Variants in CHODL observed in about 807,000 individuals in gnomAD.
CHODL encodes the protein transmembrane protein MT75.
A neutral mutation model predicts 34.5 loss-of-function variants in CHODL; 29 were observed. That is an observed-to-expected ratio of 0.84 (90% CI 0.63 to 1.15). CHODL has a LOEUF of 1.15. Among genes scored for constraint, CHODL ranks in the 50% most tolerant of loss-of-function variants. The probability of loss-of-function intolerance (pLI) is 0.00; values close to 1 mark genes in which losing one functional copy is unlikely to be tolerated. For missense variants in CHODL, 332 were observed against 332.5 expected, an observed-to-expected ratio of 1.00 and a Z score of 0.01; for synonymous variants, 125 against 116.1, an observed-to-expected ratio of 1.08 and a Z score of -0.49.
At chr21:18,019,374 CATAG>C (rs1266427369) in intron 1 of CHODL, among the ~76,000 whole-genome samples, 1 of 151,996 alleles carries the variant, frequency 6.6e-6, no homozygotes, top group Non-Finnish European at 1.5e-5. Flanking sequence ...GATTTGAAAA[CATAG>C]ATAGAATGAA....
chr21:17,938,541 C>A lies in CHODL; in HGVS notation c.-145+21141C>A, dbSNP rs529143622. ...TCGCCCAGGCTGGAGTGCAGTGGCT[C>A]GATCTCGGCTCACTGCAAGCTCCGC... On this transcript the variant is annotated intron_variant, in intron 1 of 6. Coordinates refer to the CHODL transcript ENST00000400127. 4.5e-3 allele frequency among the ~76,000 whole-genome samples: 545 copies of A among 122,270 alleles called. 4 individuals are homozygous for A. Among genetic ancestry groups the A allele is most frequent in the Non-Finnish European group, 6.7e-3 (421 of 62,764 alleles). The allele number at this position is 122,270 out of a possible 152,430, so 80.2% of individuals were successfully genotyped here.
rs530982067 is a variant in CHODL, at chr21:18,267,269, A to G, written c.*1231A>G. ...TCTGTCTTATCTCCTAGTTTCTTCAATGCTTACGCCTTGTTCTTCTCAAGA... is the reference window on the plus strand; with the variant it reads ...TCTGTCTTATCTCCTAGTTTCTTCAGTGCTTACGCCTTGTTCTTCTCAAGA... On this transcript the variant is annotated 3_prime_UTR_variant, in exon 6 of 6. Transcript: ENST00000299295. 1.3e-5 allele frequency: 2 copies of G among 152,268 alleles called. No homozygotes were observed. The highest frequency in any genetic ancestry group is 2.4e-5 in the African/African-American group (1 of 41,564). The allele number at this position is 152,268 out of a possible 1,614,324, so 9.4% of individuals were successfully genotyped here.
intron 2 of CHODL, among the ~76,000 whole-genome samples, chr21:18,214,460 G>A (rs1449064827): frequency 2.0e-5 from 3 of 152,034 alleles, no homozygotes; most frequent in South Asian, 2.1e-4. Flanking sequence ...TACAGTACAC[G>A]CCAATAAATG....
chr21:18,121,598 T>A (rs538792087), intron 2 of CHODL, among the ~76,000 whole-genome samples: 1 of 152,308 alleles, frequency 6.6e-6, no homozygotes, highest in South Asian at 2.1e-4. Context: ...TAACTTAAAC[T>A]AAAAATCAAG....
intron 2 of CHODL, among the ~76,000 whole-genome samples, chr21:18,073,440 T>C (rs1244132948): frequency 6.6e-6 from 1 of 152,138 alleles, no homozygotes; most frequent in Admixed American, 6.6e-5. Context: ...CATCCATCTT[T>C]TGCATCAGTA....
At chr21:18,011,314 T>A (rs2064017717) in intron 1 of CHODL, among the ~76,000 whole-genome samples, 1 of 152,130 alleles carries the variant, frequency 6.6e-6, no homozygotes, top group Admixed American at 6.6e-5. Flanking sequence ...TAAGTACACA[T>A]AAATAGTTTG....
intron 1 of CHODL, among the ~76,000 whole-genome samples, chr21:17,925,253 A>C (rs909242971): frequency 5.9e-5 from 9 of 152,346 alleles, no homozygotes; most frequent in Admixed American, 5.9e-4. Context: ...AATTGTGACC[A>C]GTCCATAACA....
intron 2 of CHODL, among the ~76,000 whole-genome samples, chr21:18,208,790 A>T (rs1300808095): frequency 6.6e-6 from 1 of 152,102 alleles, no homozygotes; most frequent in Non-Finnish European, 1.5e-5. Flanking sequence ...AAGATACAGA[A>T]GAATTCTCTG....
intron 2 of CHODL, among the ~76,000 whole-genome samples, chr21:18,127,729 C>T (rs563642687): frequency 8.2e-6 from 1 of 121,632 alleles, no homozygotes; most frequent in African/African-American, 3.1e-5. Context: ...TTTACTACTG[C>T]ACAGTCTCCA....
intron 2 of CHODL, among the ~76,000 whole-genome samples, chr21:18,222,109 G>A (rs567612833): frequency 2.6e-4 from 40 of 152,284 alleles, no homozygotes; most frequent in African/African-American, 9.1e-4. Flanking sequence ...GTGCTGGAGG[G>A]AGGTAGGTTT....
At chr21:18,074,058 A>G (rs2064836515) in intron 2 of CHODL, among the ~76,000 whole-genome samples, 1 of 152,124 alleles carries the variant, frequency 6.6e-6, no homozygotes, top group Admixed American at 6.6e-5. Flanking sequence ...TGATTATTTT[A>G]GTGGCTGAGA....
At chr21:18,036,288 T>C (rs999071913) in intron 2 of CHODL, among the ~76,000 whole-genome samples, 6 of 152,056 alleles carry the variant, frequency 3.9e-5, no homozygotes, top group African/African-American at 1.4e-4. Flanking sequence ...TGGGGAATAT[T>C]ACCTGTAATC....
At chr21:18,049,572 A>T (rs961030789) in intron 2 of CHODL, among the ~76,000 whole-genome samples, 13 of 151,990 alleles carry the variant, frequency 8.6e-5, no homozygotes, top group African/African-American at 3.1e-4. Flanking sequence ...ATCTTCTCAC[A>T]GTTCTGGAGG....
At chr21:18,088,174 G>C (rs2065030044) in intron 2 of CHODL, among the ~76,000 whole-genome samples, 1 of 152,142 alleles carries the variant, frequency 6.6e-6, no homozygotes, top group Non-Finnish European at 1.5e-5. Context: ...AACCATATCA[G>C]CCTGGTTTCC....
intron 2 of CHODL, among the ~76,000 whole-genome samples, chr21:18,043,687 G>A (rs539961298): frequency 6.6e-6 from 1 of 151,886 alleles, no homozygotes; most frequent in Non-Finnish European, 1.5e-5. Context: ...GGCTGAAAAT[G>A]ATGACATGGG....
At chr21:18,264,978 C>T (rs892194424) in intron 5 of CHODL, among the ~76,000 whole-genome samples, 6 of 151,920 alleles carry the variant, frequency 3.9e-5, no homozygotes, top group Admixed American at 3.9e-4. Context: ...GATGATTTGA[C>T]ATTAAATTCA....
chr21:18,170,981 T>A (rs932996285), intron 2 of CHODL, among the ~76,000 whole-genome samples: 1 of 151,936 alleles, frequency 6.6e-6, no homozygotes, highest in Non-Finnish European at 1.5e-5. Context: ...TGTTAATTTA[T>A]GTTTACCTGG....
chr21:18,146,296 T>C (rs1212223813), intron 2 of CHODL, among the ~76,000 whole-genome samples: 35 of 151,912 alleles, frequency 2.3e-4, no homozygotes, highest in Admixed American at 2.2e-3. Flanking sequence ...TAAAAATGAG[T>C]CTGAAATTTC....
chr21:17,998,293 C>A (rs191696372), intron 1 of CHODL, among the ~76,000 whole-genome samples: 1 of 152,338 alleles, frequency 6.6e-6, no homozygotes, highest in East Asian at 1.9e-4. Context: ...AGCTCCACCC[C>A]TGTGGCTTTT....
Sources: allele counts gnomAD v4.1 joint callset (sites outside exome capture counted in the v4.1 genomes callset), GRCh38; gene constraint gnomAD v4.1.1; transcripts MANE v1.5; gene names NCBI Gene and HGNC (gene_info 2026-07-23, HGNC 2026-07-21).